Variants in BIRC6 observed in about 807,000 individuals in gnomAD.
BIRC6 encodes the protein baculoviral IAP repeat containing 6.
Under a neutral mutation model 503.3 loss-of-function variants are expected in BIRC6, and 98 were observed. The observed-to-expected ratio is 0.19, with a 90% CI of 0.17 to 0.23. BIRC6 has a LOEUF of 0.23. Ranked by LOEUF, BIRC6 falls within the 10% of genes least tolerant of loss-of-function variation. BIRC6 has a pLI of 1.00. For synonymous variants in BIRC6, 2,240 were observed against 2,078.7 expected (o/e 1.08, Z -2.11); for missense variants, 5,360 against 5,806.0 (o/e 0.92, Z 2.50).
At chr2:32,523,518 TGTTAGA>T (rs1479581119) in intron 57 of BIRC6, 1 of 152,324 alleles carries the variant, frequency 6.6e-6, no homozygotes, top group African/African-American at 2.4e-5. Context: ...TGGTTGTTTT[TGTTAGA>T]AAGTAAAATG....
chr2:32,476,282 A>G lies in BIRC6; in HGVS notation c.6790A>G (p.Asn2264Asp), dbSNP rs770235787. Residue 2264 changes from asparagine (N) to aspartate (D), a missense_variant, in exon 34 of 74, where the codon AAC becomes GAC. This residue lies in a region of BIRC6 where 2,299 missense variants were observed against 2,267.2 expected (regional missense o/e 1.01). Coordinates refer to ENST00000421745, the MANE Select transcript of BIRC6 (RefSeq NM_016252.4). ...EQMEKEKIQS[N>D]KGSSYKLLVE... ...GATGGAAAAAGAAAAAATACAAAGTAACAAAGGATCATCATATAAACTCCT... is the reference window on the plus strand; with the variant it reads ...GATGGAAAAAGAAAAAATACAAAGTGACAAAGGATCATCATATAAACTCCT... The G allele has an allele frequency of 3.8e-6, 6 of 1,564,968 alleles. 1 individual carries two copies. The highest frequency in any genetic ancestry group is 5.2e-6 in the Non-Finnish European group (6 of 1,153,560).
At chr2:32,474,073 T>C (rs1030343799) in intron 33 of BIRC6, among the ~76,000 whole-genome samples, 3 of 152,132 alleles carry the variant, frequency 2.0e-5, no homozygotes, top group Non-Finnish European at 4.4e-5. Context: ...ATTTTTATTA[T>C]TGCTTTAAGA....
At chr2:32,616,925 G>A (rs185441071) in intron 73 of BIRC6, among the ~76,000 whole-genome samples, 243 of 151,834 alleles carry the variant, frequency 1.6e-3, no homozygotes, top group African/African-American at 5.6e-3. Flanking sequence ...GCAAAATGGC[G>A]AAACCCCATC....
At chr2:32,416,337 C>T (rs530210760) in intron 10 of BIRC6, among the ~76,000 whole-genome samples, 174 bp downstream of exon 10, 1 of 151,908 alleles carries the variant, frequency 6.6e-6, no homozygotes, top group South Asian at 2.1e-4. Flanking sequence ...TTTCTACTGC[C>T]CTAGGTAAGG....
intron 20 of BIRC6, among the ~76,000 whole-genome samples, chr2:32,444,254 A>G (rs932675818): frequency 3.3e-5 from 5 of 152,176 alleles, no homozygotes; most frequent in African/African-American, 9.7e-5. Flanking sequence ...ATATTTCAGA[A>G]TAGTTAAAAG....
chr2:32,440,660 C>T (rs529341064), intron 16 of BIRC6, among the ~76,000 whole-genome samples: 2 of 152,110 alleles, frequency 1.3e-5, no homozygotes, highest in Admixed American at 1.3e-4. Flanking sequence ...TCTGTTACCT[C>T]CCTTTTTTAA....
At position 32,358,866 on chromosome 2, in the gene BIRC6, C is replaced by T. The variant is rs2033615434; in HGVS notation, c.325+1380C>T. 2.0e-5 allele frequency among the ~76,000 whole-genome samples: 3 copies of T among 152,108 alleles called. No homozygotes were observed. In the South Asian group the frequency reaches 6.2e-4, roughly 32 times the overall value. ...GGCTTAGGTAAATGATGGGGTGGCC[C>T]AGATGTAGCAGTGAACAGTTACTGC... On this transcript the variant is annotated intron_variant, in intron 1 of 73. Transcript: ENST00000421745.
At chr2:32,505,390 C>A in intron 50 of BIRC6, 185 bp downstream of exon 50, 1 of 566,024 alleles carries the variant, frequency 1.8e-6, no homozygotes, top group South Asian at 2.3e-5. Context: ...CTGTTAACCT[C>A]AGACAAAAAG....
At chr2:32,595,180 T>C in intron 68 of BIRC6, 36 bp downstream of exon 68, 2 of 1,350,408 alleles carry the variant, frequency 1.5e-6, no homozygotes, top group Non-Finnish European at 2.1e-6. Context: ...AAGATCTCAC[T>C]TTCCATTTTT....
Position 32,383,276 on chromosome 2 carries a change from C to T in BIRC6, c.645+2986C>T, listed in dbSNP as rs574584597. ...GTCAGGCTGGTCTTGAACTCCTGAC[C>T]GTGTGATCTGCCCACCTTGGCCTCC... On this transcript the variant is annotated intron_variant, in intron 3 of 73. Transcript: ENST00000421745. Among the ~76,000 whole-genome samples the T allele has an allele frequency of 3.5e-4, 54 of 152,190 alleles. No individual in the cohort carries two copies. The East Asian group carries it at 7.7e-3, about 22-fold the overall frequency.
chr2:32,541,495 A>T (rs1572905460), intron 61 of BIRC6, among the ~76,000 whole-genome samples: 1 of 152,112 alleles, frequency 6.6e-6, no homozygotes, highest in East Asian at 1.9e-4. Context: ...AACTAATCAC[A>T]GAGTTACCTC....
intron 66 of BIRC6, among the ~76,000 whole-genome samples, chr2:32,581,834 GGAAAA>G (rs947836446): frequency 1.8e-4 from 27 of 152,204 alleles, no homozygotes; most frequent in African/African-American, 6.0e-4. Flanking sequence ...GTGCAACAAT[GGAAAA>G]GAAAAGTGAT....
intron 65 of BIRC6, among the ~76,000 whole-genome samples, chr2:32,560,203 A>G (rs532007481): frequency 2.6e-5 from 4 of 152,222 alleles, no homozygotes; most frequent in Non-Finnish European, 5.9e-5. Context: ...TTTAAAATGA[A>G]GAAATTTGAT....
At chr2:32,611,108 C>CTTTTTTTTTT (rs1245765148) in intron 72 of BIRC6, among the ~76,000 whole-genome samples, 10 of 126,160 alleles carry the variant, frequency 7.9e-5, no homozygotes, top group Admixed American at 7.5e-4. Context: ...ATTAAATTGC[C>CTTTTTTTTTT]TTTTTTTTTT....
intron 61 of BIRC6, among the ~76,000 whole-genome samples, chr2:32,537,223 C>G (rs1022546685): frequency 3.9e-5 from 6 of 152,108 alleles, no homozygotes; most frequent in African/African-American, 7.2e-5. Context: ...TTAGACAGAT[C>G]AACGAGACAG....
At chr2:32,519,075 C>CT in intron 57 of BIRC6, 129 bp downstream of exon 57, 1 of 900,430 alleles carries the variant, frequency 1.1e-6, no homozygotes, top group Non-Finnish European at 1.6e-6. Context: ...TTCAAGACAT[C>CT]TTTATAGTTT....
intron 66 of BIRC6, among the ~76,000 whole-genome samples, chr2:32,587,948 T>G: frequency 6.6e-6 from 1 of 152,152 alleles, no homozygotes; most frequent in East Asian, 1.9e-4. Flanking sequence ...CAAACTAAAC[T>G]GAGACTCATT....
At chr2:32,414,245 C>G (rs1294589626) in intron 9 of BIRC6, among the ~76,000 whole-genome samples, 2 of 152,054 alleles carry the variant, frequency 1.3e-5, no homozygotes, top group East Asian at 1.9e-4. Context: ...CCATTGCACT[C>G]CAGCCTAGGC....
rs191885527 is a variant in BIRC6, at chr2:32,404,434, C to T, written c.1419-2065C>T. 3.3e-4 allele frequency among the ~76,000 whole-genome samples: 50 copies of T among 151,852 alleles called. 2 individuals are homozygous for T. Among genetic ancestry groups the T allele is most frequent in the Admixed American group, 3.2e-3 (49 of 15,256 alleles). On this transcript the variant is annotated intron_variant, in intron 8 of 73. Transcript: ENST00000421745. ...CCAGGTTCAAGTGATTCTTGTGCCTCAGTCTCCTGAGTAGCTGGGACTGAC... is the reference window on the plus strand; with the variant it reads ...CCAGGTTCAAGTGATTCTTGTGCCTTAGTCTCCTGAGTAGCTGGGACTGAC...
Sources: gnomAD v4.1 joint callset for allele counts (sites outside exome capture counted in the v4.1 genomes callset) on GRCh38, gnomAD v4.1.1 for gene constraint, gnomAD v4.1.1 regional missense constraint, MANE v1.5 for transcripts, NCBI Gene and HGNC (gene_info 2026-07-23, HGNC 2026-07-21) for gene names.